CD36: variants seen among roughly 807,000 people sequenced by gnomAD.
CD36 encodes the protein platelet glycoprotein 4.
Under a neutral mutation model 55.2 loss-of-function variants are expected in CD36, and 119 were observed. That is an observed-to-expected ratio of 2.15 (90% confidence interval 1.86 to 2.51). The LOEUF (loss-of-function observed/expected upper bound fraction) is 2.51, where lower values mean the gene tolerates loss of function less well. CD36 is among the 30% of genes most tolerant of loss of function. The probability of loss-of-function intolerance (pLI) is 0.00; values close to 1 mark genes in which losing one functional copy is unlikely to be tolerated. For synonymous variants in CD36, 186 were observed against 193.6 expected, an observed-to-expected ratio of 0.96 and a Z score of 0.33; for missense variants, 819 against 555.5, an observed-to-expected ratio of 1.47 and a Z score of -4.77.
Position 80,671,045 on chromosome 7 carries a change from C to T in CD36, c.887C>T (p.Pro296Leu), listed in dbSNP as rs1052005685. 6.2e-7 allele frequency: 1 copy of T among 1,612,452 alleles called. No individual in the cohort carries two copies. Among genetic ancestry groups the T allele is most frequent in the South Asian group, 1.1e-5 (1 of 91,054 alleles). Reference sequence around the variant, plus strand: ...ATCCCTGTGTATAGATTTGTTCTTCCATCCAAGGCCTTTGCCTCTCCAGTT... The same window carrying T: ...ATCCCTGTGTATAGATTTGTTCTTCTATCCAAGGCCTTTGCCTCTCCAGTT... The part of the protein sequence containing the change: ...KGIPVYRFVL[P>L]SKAFASPVEN... Residue 296 changes from proline (P) to leucine (L), a missense_variant, in exon 10 of 15, where the codon CCA becomes CTA. Coordinates refer to ENST00000447544, the MANE Select transcript of CD36 (RefSeq NM_001001548.3).
At chr7:80,608,576 A>G (rs1010688964) in intron 1 of CD36, among the ~76,000 whole-genome samples, 1 of 152,232 alleles carries the variant, frequency 6.6e-6, no homozygotes, top group Non-Finnish European at 1.5e-5. Flanking sequence ...TAAGTTTTAC[A>G]ATAATTTTAA....
chr7:80,674,169 T>C (rs1234567043), intron 14 of CD36, 22 bp downstream of exon 14: 1 of 1,546,014 alleles, frequency 6.5e-7, no homozygotes, highest in Non-Finnish European at 8.9e-7. Flanking sequence ...CCAAAAAATA[T>C]TGCTTCAATA....
chr7:80,671,021 T>C lies in CD36; in HGVS notation c.863T>C (p.Ile288Thr). 6.2e-7 allele frequency: 1 copy of C among 1,613,412 alleles called. No individual in the cohort carries two copies. The highest frequency in any genetic ancestry group is 1.3e-5 in the African/African-American group (1 of 75,044). Residue 288 changes from isoleucine to threonine, a missense_variant, in exon 10 of 15, where the codon ATC (isoleucine) becomes ACC (threonine). Transcript: ENST00000447544. ...VFESDVNLKG[I>T]PVYRFVLPSK... ...GAATCCGACGTTAATCTGAAAGGAA[T>C]CCCTGTGTATAGATTTGTTCTTCCA...
chr7:80,632,427 A>G (rs773140400), intron 1 of CD36, among the ~76,000 whole-genome samples: 1 of 152,086 alleles, frequency 6.6e-6, no homozygotes, highest in Admixed American at 6.6e-5. Context: ...GTGTATACAC[A>G]TGCATATCTG....
intron 8 of CD36, among the ~76,000 whole-genome samples, chr7:80,668,924 T>C (rs951452493): frequency 6.6e-6 from 1 of 152,224 alleles, no homozygotes; most frequent in Non-Finnish European, 1.5e-5. Context: ...ATATATCCAA[T>C]GTTTGCCATG....
intron 1 of CD36, among the ~76,000 whole-genome samples, chr7:80,607,842 G>C (rs915660691): frequency 1.3e-5 from 2 of 152,026 alleles, no homozygotes; most frequent in African/African-American, 4.8e-5. Context: ...TGCAATTTCG[G>C]CTCACTGCAA....
At chr7:80,663,899 A>G (rs1796763352) in intron 6 of CD36, among the ~76,000 whole-genome samples, 1 of 152,186 alleles carries the variant, frequency 6.6e-6, no homozygotes, top group South Asian at 2.1e-4. Flanking sequence ...TCAATTATAA[A>G]TGAATGTAGA....
intron 3 of CD36, among the ~76,000 whole-genome samples, chr7:80,653,881 A>C (rs934987297): frequency 6.6e-6 from 1 of 152,162 alleles, no homozygotes; most frequent in Non-Finnish European, 1.5e-5. Flanking sequence ...TAAACAAATC[A>C]TGATGCTATG....
At chr7:80,639,159 A>G (rs182065907) in intron 1 of CD36, among the ~76,000 whole-genome samples, 2 of 152,004 alleles carry the variant, frequency 1.3e-5, no homozygotes, top group Non-Finnish European at 1.5e-5. Context: ...TTATGTCAAC[A>G]TGTTGTCTAA....
chr7:80,672,958 T>A (rs1339396941), intron 12 of CD36, 115 bp downstream of exon 12: 1 of 738,344 alleles, frequency 1.4e-6, no homozygotes. Flanking sequence ...TATCAACTTA[T>A]CTTTAGCTTA....
At chr7:80,624,496 G>A (rs958454250) in intron 1 of CD36, among the ~76,000 whole-genome samples, 16 of 152,068 alleles carry the variant, frequency 1.1e-4, no homozygotes, top group African/African-American at 3.9e-4. Flanking sequence ...GTGGTAAGAA[G>A]GCATTCAAAA....
At chr7:80,613,849 GTTAC>G (rs1206047697) in intron 1 of CD36, among the ~76,000 whole-genome samples, 1 of 152,122 alleles carries the variant, frequency 6.6e-6, no homozygotes, top group Non-Finnish European at 1.5e-5. Context: ...ATATCTACCA[GTTAC>G]TTGGGAAGTT....
chr7:80,637,763 C>G (rs962012887), upstream of CD36, among the ~76,000 whole-genome samples: 3 of 152,044 alleles, frequency 2.0e-5, no homozygotes, highest in Non-Finnish European at 4.4e-5. Flanking sequence ...TTATCCAGCT[C>G]TCCTATCAAA....
intron 1 of CD36, among the ~76,000 whole-genome samples, chr7:80,623,546 T>A (rs964624112): frequency 1.3e-5 from 2 of 152,214 alleles, no homozygotes; most frequent in Non-Finnish European, 2.9e-5. Flanking sequence ...ATTTATTTGA[T>A]TTGTGTTGCA....
At chr7:80,655,137 T>C (rs369337296) in intron 3 of CD36, among the ~76,000 whole-genome samples, 10 of 152,156 alleles carry the variant, frequency 6.6e-5, no homozygotes, top group Non-Finnish European at 1.5e-4. Flanking sequence ...GTGGTCATTG[T>C]TCTCTTTAGG....
intron 1 of CD36, among the ~76,000 whole-genome samples, chr7:80,611,298 A>G (rs1408375618): frequency 1.3e-5 from 2 of 152,100 alleles, no homozygotes; most frequent in African/African-American, 4.8e-5. Flanking sequence ...TCTCCCATAC[A>G]TGACACAGAG....
At chr7:80,640,570 A>C (rs1794734841) in intron 1 of CD36, among the ~76,000 whole-genome samples, 1 of 151,994 alleles carries the variant, frequency 6.6e-6, no homozygotes, top group Non-Finnish European at 1.5e-5. Context: ...AAGGTCCAGC[A>C]TTTTTGGCAT....
chr7:80,673,434 T>A, intron 13 of CD36, 25 bp downstream of exon 13: 1 of 1,392,136 alleles, frequency 7.2e-7, no homozygotes, highest in East Asian at 2.3e-5. Context: ...CTGTTAGTCA[T>A]TAAAAACAAC....
At chr7:80,651,583 A>G (rs1795624493) in intron 3 of CD36, among the ~76,000 whole-genome samples, 1 of 152,108 alleles carries the variant, frequency 6.6e-6, no homozygotes. Flanking sequence ...ATGCCTTCAG[A>G]CAAAATAAAT....
Sources: allele counts gnomAD v4.1 joint callset (sites outside exome capture counted in the v4.1 genomes callset), GRCh38; gene constraint gnomAD v4.1.1; transcripts MANE v1.5; gene names NCBI Gene and HGNC (gene_info 2026-07-23, HGNC 2026-07-21).